The following SLC25A21 variants were observed in gnomAD, a reference collection of about 807,000 sequenced individuals.
SLC25A21 encodes the protein mitochondrial 2-oxodicarboxylate carrier.
Under a neutral mutation model 43.8 loss-of-function variants are expected in SLC25A21, and 47 were observed. That is an observed-to-expected ratio of 1.07 (90% CI 0.85 to 1.37). The LOEUF (loss-of-function observed/expected upper bound fraction) is 1.37, where lower values mean the gene tolerates loss of function less well. Ranked by LOEUF, SLC25A21 falls within the 40% of genes most tolerant of loss-of-function variation. The pLI is 0.00. For missense variants in SLC25A21, 352 were observed against 350.2 expected, an observed-to-expected ratio of 1.00 and a Z score of -0.04; for synonymous variants, 131 against 121.3, an observed-to-expected ratio of 1.08 and a Z score of -0.52.
At chr14:36,974,218 T>C (rs898268405) in intron 1 of SLC25A21, among the ~76,000 whole-genome samples, 84 of 152,332 alleles carry the variant, frequency 5.5e-4, no homozygotes, top group African/African-American at 1.9e-3. Flanking sequence ...TAATCCCAAC[T>C]TCTAGAATGA....
At chr14:36,694,866 C>T (rs1277218344) in intron 7 of SLC25A21, among the ~76,000 whole-genome samples, 1 of 152,108 alleles carries the variant, frequency 6.6e-6, no homozygotes, top group Non-Finnish European at 1.5e-5. Context: ...GTTGCCTGTT[C>T]TCTCTGATGG....
chr14:36,841,440 T>C (rs1416595212), intron 2 of SLC25A21, among the ~76,000 whole-genome samples: 1 of 152,126 alleles, frequency 6.6e-6, no homozygotes, highest in Non-Finnish European at 1.5e-5. Flanking sequence ...AGGCTCCACT[T>C]AGTCTGCCAG....
intron 1 of SLC25A21, among the ~76,000 whole-genome samples, chr14:37,145,630 C>T (rs1963652388): frequency 6.6e-6 from 1 of 152,056 alleles, no homozygotes; most frequent in Non-Finnish European, 1.5e-5. Context: ...TCCCTGAGGG[C>T]ATGTGGGGCA....
intron 1 of SLC25A21, among the ~76,000 whole-genome samples, chr14:37,016,061 T>G (rs1482762853): frequency 6.6e-6 from 1 of 152,122 alleles, no homozygotes; most frequent in Non-Finnish European, 1.5e-5. Flanking sequence ...ATCCGATTTG[T>G]CAATTTTGGC....
intron 1 of SLC25A21, among the ~76,000 whole-genome samples, chr14:37,045,054 G>A (rs187354769): frequency 8.7e-4 from 132 of 152,302 alleles, no homozygotes; most frequent in African/African-American, 2.9e-3. Context: ...TCCCACCCAT[G>A]CTCCTTCTAA....
At chr14:36,962,571 A>G (rs1959520742) in intron 1 of SLC25A21, among the ~76,000 whole-genome samples, 1 of 152,034 alleles carries the variant, frequency 6.6e-6, no homozygotes, top group Admixed American at 6.5e-5. Context: ...TCACTTATGC[A>G]ATACTCTTCT....
At chr14:36,825,995 C>A (rs1391036068) in intron 2 of SLC25A21, among the ~76,000 whole-genome samples, 1 of 152,094 alleles carries the variant, frequency 6.6e-6, no homozygotes, top group Non-Finnish European at 1.5e-5. Context: ...TATAAAAGAG[C>A]AAAAAGTGTT....
chr14:36,825,727 T>C (rs946939602), intron 2 of SLC25A21, among the ~76,000 whole-genome samples: 4 of 152,298 alleles, frequency 2.6e-5, no homozygotes, highest in Admixed American at 1.3e-4. Context: ...GATAATTGGG[T>C]GTCATGGGAA....
At chr14:36,921,930 A>G (rs1465087935) in intron 1 of SLC25A21, among the ~76,000 whole-genome samples, 1 of 151,996 alleles carries the variant, frequency 6.6e-6, no homozygotes, top group African/African-American at 2.4e-5. Flanking sequence ...GAAACACCTG[A>G]GGTCAGGAGT....
At chr14:36,892,382 C>T (rs1334514409) in intron 1 of SLC25A21, among the ~76,000 whole-genome samples, 1 of 151,974 alleles carries the variant, frequency 6.6e-6, no homozygotes, top group East Asian at 1.9e-4. Context: ...AACCTAAGTG[C>T]CCATCAGTAG....
At chr14:36,975,866 C>A (rs748129079) in intron 1 of SLC25A21, among the ~76,000 whole-genome samples, 1 of 152,188 alleles carries the variant, frequency 6.6e-6, no homozygotes, top group Non-Finnish European at 1.5e-5. Flanking sequence ...AGACACCCTG[C>A]AGAAGTAGAG....
Position 36,953,050 on chromosome 14 carries a change from T to C in SLC25A21, c.71-78046A>G, listed in dbSNP as rs1250418787. On this transcript the variant is annotated intron_variant, in intron 1 of 9. Coordinates refer to ENST00000331299, the MANE Select transcript of SLC25A21 (RefSeq NM_030631.4). ...ACCTCTGCCTCTATCTATTTAGTTT[T>C]GAGGTATCAATTGCCTGTATTATGG... 2.0e-5 allele frequency among the ~76,000 whole-genome samples: 3 copies of C among 152,232 alleles called. No individual in the cohort carries two copies. The East Asian group carries it at 5.8e-4, about 29-fold the overall frequency.
Position 36,947,046 on chromosome 14 carries a change from G to A in SLC25A21, c.71-72042C>T, listed in dbSNP as rs766184619. 4.5e-4 allele frequency among the ~76,000 whole-genome samples: 68 copies of A among 152,118 alleles called. 1 individual carries two copies. Among genetic ancestry groups the A allele is most frequent in the African/African-American group, 1.4e-4 (6 of 41,434 alleles). ...GACCCACCTCATGTGTTCAGCAAAA[G>A]TTTCTAAGTCATCAACTACTTTACT... On this transcript the variant is annotated intron_variant, in intron 1 of 9. Coordinates refer to ENST00000331299, the MANE Select transcript of SLC25A21 (RefSeq NM_030631.4).
At chr14:37,025,471 G>A (rs534750738) in intron 1 of SLC25A21, among the ~76,000 whole-genome samples, 15 of 152,232 alleles carry the variant, frequency 9.9e-5, no homozygotes, top group African/African-American at 3.4e-4. Flanking sequence ...CTAATGCTCC[G>A]CAGTTAATAA....
At chr14:36,986,930 C>T (rs559922111) in intron 1 of SLC25A21, among the ~76,000 whole-genome samples, 22 of 152,126 alleles carry the variant, frequency 1.4e-4, no homozygotes, top group Admixed American at 1.4e-3. Flanking sequence ...CTTTATGTGT[C>T]TACATGCTTA....
chr14:37,109,014 T>C (rs1013461419), intron 1 of SLC25A21, among the ~76,000 whole-genome samples: 2 of 152,116 alleles, frequency 1.3e-5, no homozygotes, highest in Non-Finnish European at 2.9e-5. Flanking sequence ...CATCTCTTTA[T>C]TGAAAATAAG....
chr14:36,763,430 A>T (rs999358857), intron 3 of SLC25A21, among the ~76,000 whole-genome samples: 3 of 152,172 alleles, frequency 2.0e-5, no homozygotes, highest in Non-Finnish European at 4.4e-5. Context: ...GTCCACTGGG[A>T]GGGAGAGGAT....
chr14:37,111,343 C>T (rs932963136), intron 1 of SLC25A21, among the ~76,000 whole-genome samples: 4 of 152,006 alleles, frequency 2.6e-5, no homozygotes, highest in South Asian at 2.1e-4. Context: ...AAGATCACTT[C>T]GGTGATTATG....
At chr14:37,090,925 G>A (rs1566873988) in intron 1 of SLC25A21, among the ~76,000 whole-genome samples, 1 of 152,156 alleles carries the variant, frequency 6.6e-6, no homozygotes, top group Admixed American at 6.5e-5. Context: ...GGGAAAATAG[G>A]AGTTAAGTTC....
Sources: allele counts gnomAD v4.1 joint callset (sites outside exome capture counted in the v4.1 genomes callset), GRCh38; gene constraint gnomAD v4.1.1; transcripts MANE v1.5; gene names NCBI Gene and HGNC (gene_info 2026-07-23, HGNC 2026-07-21).